ARHGAP15: variants seen among roughly 807,000 people sequenced by gnomAD.
ARHGAP15 encodes the protein Rho GTPase activating protein 15, also known as rho GTPase-activating protein 15.
A neutral mutation model predicts 63.7 loss-of-function variants in ARHGAP15; 51 were observed. That is an observed-to-expected ratio of 0.80 (90% CI 0.64 to 1.01). ARHGAP15 has a LOEUF of 1.01. ARHGAP15 is among the 50% of genes least tolerant of loss of function. ARHGAP15 has a pLI of 0.00. For synonymous variants in ARHGAP15, 191 were observed against 193.8 expected (o/e 0.99, Z 0.12); for missense variants, 560 against 564.6 (o/e 0.99, Z 0.08).
At chr2:143,590,080 T>G (rs1697262083) in intron 11 of ARHGAP15, among the ~76,000 whole-genome samples, 1 of 152,138 alleles carries the variant, frequency 6.6e-6, no homozygotes, top group South Asian at 2.1e-4. Flanking sequence ...AGTCACTGCT[T>G]TCTAGTGCCC....
intron 6 of ARHGAP15, chr2:143,351,296 T>C (rs1190252034): frequency 6.6e-6 from 1 of 152,196 alleles, no homozygotes; most frequent in Non-Finnish European, 1.5e-5. Context: ...TTCATCATGA[T>C]TGATATATGT....
intron 13 of ARHGAP15, among the ~76,000 whole-genome samples, chr2:143,759,720 A>C (rs1686696264): frequency 6.6e-6 from 1 of 152,076 alleles, no homozygotes; most frequent in Non-Finnish European, 1.5e-5. Context: ...TGATATGTGC[A>C]CCTCGACAGG....
At chr2:143,405,828 A>C (rs1328843734) in intron 6 of ARHGAP15, among the ~76,000 whole-genome samples, 1 of 151,946 alleles carries the variant, frequency 6.6e-6, no homozygotes, top group Non-Finnish European at 1.5e-5. Context: ...GACATAAAGA[A>C]GTCTGAAGTC....
At chr2:143,426,147 A>G (rs940376552) in intron 6 of ARHGAP15, among the ~76,000 whole-genome samples, 1 of 152,136 alleles carries the variant, frequency 6.6e-6, no homozygotes, top group African/African-American at 2.4e-5. Context: ...TGTAGTACAG[A>G]GGGGCACTGT....
At chr2:143,332,330 G>T (rs115385030) in intron 6 of ARHGAP15, among the ~76,000 whole-genome samples, 402 of 152,166 alleles carry the variant, frequency 2.6e-3, no homozygotes, top group African/African-American at 9.1e-3. Flanking sequence ...TCTCGATGGT[G>T]AGATATAACT....
chr2:143,589,590 T>C (rs1697245847), intron 11 of ARHGAP15, among the ~76,000 whole-genome samples: 3 of 152,220 alleles, frequency 2.0e-5, no homozygotes, highest in African/African-American at 4.8e-5. Context: ...AAAGTCAATG[T>C]GCTCTTAGCC....
intron 13 of ARHGAP15, among the ~76,000 whole-genome samples, chr2:143,717,193 A>G (rs1331063188): frequency 1.3e-5 from 2 of 152,250 alleles, no homozygotes; most frequent in East Asian, 1.9e-4. Flanking sequence ...ATGCCCAACC[A>G]CGGAAGATAT....
intron 6 of ARHGAP15, among the ~76,000 whole-genome samples, chr2:143,413,971 G>GCGGGCGCGCGCGCA (rs147891307): frequency 6.8e-6 from 1 of 147,640 alleles, no homozygotes; most frequent in Non-Finnish European, 1.5e-5. Flanking sequence ...GTGTGTGCGC[G>GCGGGCGCGCGCGCA]CTCTCTGGCA....
chr2:143,416,454 G>C (rs1403194204), intron 6 of ARHGAP15, among the ~76,000 whole-genome samples: 6 of 152,016 alleles, frequency 3.9e-5, no homozygotes, highest in Middle Eastern at 3.2e-3. Flanking sequence ...CTTCTAAGGA[G>C]AATCCTTGCT....
At chr2:143,525,026 A>G (rs1175209804) in intron 10 of ARHGAP15, among the ~76,000 whole-genome samples, 1 of 152,154 alleles carries the variant, frequency 6.6e-6, no homozygotes, top group Admixed American at 6.6e-5. Flanking sequence ...CAGACTTTAC[A>G]TAGTTGTTTC....
At chr2:143,198,708 C>G (rs984016225) in intron 2 of ARHGAP15, among the ~76,000 whole-genome samples, 2 of 151,930 alleles carry the variant, frequency 1.3e-5, no homozygotes, top group African/African-American at 2.4e-5. Context: ...GTCTGTATGC[C>G]CATAAGAATT....
At chr2:143,519,118 G>A in intron 9 of ARHGAP15, 148 bp from the exon 10 acceptor site, 2 of 529,846 alleles carry the variant, frequency 3.8e-6, no homozygotes, top group South Asian at 4.1e-5. Context: ...GTCTTCATAT[G>A]TCTGCCATAG....
chr2:143,709,313 C>G (rs1312690253), intron 13 of ARHGAP15, among the ~76,000 whole-genome samples: 3 of 152,126 alleles, frequency 2.0e-5, no homozygotes, highest in African/African-American at 7.2e-5. Flanking sequence ...ACACATTACT[C>G]AGAGAAAATA....
chr2:143,581,077 A>G (rs60733978), intron 11 of ARHGAP15, among the ~76,000 whole-genome samples: 46,258 of 151,800 alleles, frequency 0.3, 8,274 homozygotes, highest in African/African-American at 0.51. Flanking sequence ...GAATGTGATC[A>G]GTAACTTGAC....
chr2:143,257,166 A>G (rs1680469614), intron 6 of ARHGAP15, among the ~76,000 whole-genome samples: 2 of 152,144 alleles, frequency 1.3e-5, no homozygotes, highest in South Asian at 2.1e-4. Flanking sequence ...AGCCTTAGAC[A>G]TCAAGGATGT....
At chr2:143,389,920 T>A (rs960940981) in intron 6 of ARHGAP15, among the ~76,000 whole-genome samples, 1 of 152,106 alleles carries the variant, frequency 6.6e-6, no homozygotes, top group African/African-American at 2.4e-5. Flanking sequence ...CCTACTCCTT[T>A]TGTTTGATAC....
At chr2:143,314,542 T>A (rs1683607067) in intron 6 of ARHGAP15, 1 of 152,200 alleles carries the variant, frequency 6.6e-6, no homozygotes, top group Non-Finnish European at 1.5e-5. Flanking sequence ...ATAATTGGAA[T>A]GAGACCAGTT....
chr2:143,430,506 A>C (rs970003635), intron 6 of ARHGAP15, among the ~76,000 whole-genome samples: 7 of 151,996 alleles, frequency 4.6e-5, no homozygotes, highest in Non-Finnish European at 8.8e-5. Context: ...TCATTTGATC[A>C]GCTATATGTG....
intron 11 of ARHGAP15, among the ~76,000 whole-genome samples, chr2:143,581,156 C>A (rs745926408): frequency 6.6e-6 from 1 of 152,144 alleles, no homozygotes; most frequent in Non-Finnish European, 1.5e-5. Flanking sequence ...TTCAGGCATA[C>A]TCGATGGACT....
Sources: gnomAD v4.1 joint callset for allele counts (sites outside exome capture counted in the v4.1 genomes callset) on GRCh38, gnomAD v4.1.1 for gene constraint, MANE v1.5 for transcripts, NCBI Gene and HGNC (gene_info 2026-07-23, HGNC 2026-07-21) for gene names.